OVCH1: variants seen among roughly 807,000 people sequenced by gnomAD.
OVCH1 encodes the protein ovochymase-1.
A neutral mutation model predicts 138.4 loss-of-function variants in OVCH1; 139 were observed. The observed-to-expected ratio is 1.00, with a 90% CI of 0.87 to 1.16. The LOEUF is 1.16. Among genes scored for constraint, OVCH1 ranks in the 50% most tolerant of loss-of-function variants. OVCH1 has a pLI of 0.00. For missense variants in OVCH1, 1,367 were observed against 1,357.9 expected (o/e 1.01, Z -0.11); for synonymous variants, 453 against 467.8 (o/e 0.97, Z 0.41).
intron 26 of OVCH1, among the ~76,000 whole-genome samples, chr12:29,437,506 C>G (rs1425531563): frequency 6.6e-6 from 1 of 152,168 alleles, no homozygotes; most frequent in East Asian, 1.9e-4. Flanking sequence ...AAAACTATCT[C>G]TAAGTTTAAC....
chr12:29,491,530 C>G (rs2136087834), intron 4 of OVCH1, among the ~76,000 whole-genome samples: 1 of 152,242 alleles, frequency 6.6e-6, no homozygotes, highest in Admixed American at 6.5e-5. Context: ...AGCCAGGCCA[C>G]TGCCTTTGAG....
chr12:29,486,134 T>C (rs1943098278), intron 8 of OVCH1, 116 bp downstream of exon 8: 2 of 1,025,672 alleles, frequency 1.9e-6, no homozygotes, highest in African/African-American at 1.6e-5. Flanking sequence ...TTTTAAAGTT[T>C]ACATTCAAAA....
chr12:29,455,134 A>G, intron 20 of OVCH1, 115 bp downstream of exon 20: 1 of 1,313,132 alleles, frequency 7.6e-7, no homozygotes, highest in Non-Finnish European at 1.0e-6. Context: ...TAGTAACTAA[A>G]TGAAATTCTA....
At chr12:29,448,697 T>G (rs547252580) in intron 22 of OVCH1, among the ~76,000 whole-genome samples, 1 of 152,202 alleles carries the variant, frequency 6.6e-6, no homozygotes, top group African/African-American at 2.4e-5. Context: ...GCTAATTAAT[T>G]GTGTCACTGT....
At position 29,477,326 on chromosome 12, in the gene OVCH1, A is replaced by G. The variant is rs755092375; in HGVS notation, c.1246+15T>C. 2 of 1,613,868 alleles carry G rather than the reference A, an allele frequency of 1.2e-6. No individual in the cohort carries two copies. Among genetic ancestry groups the G allele is most frequent in the South Asian group, 1.1e-5 (1 of 91,066 alleles). ...AAGGGAAAATGGCAAGGAATTAAATACCTGAAACACTCACCTGCTTCTGAC... is the reference window on the plus strand; with the variant it reads ...AAGGGAAAATGGCAAGGAATTAAATGCCTGAAACACTCACCTGCTTCTGAC... On this transcript the variant is annotated intron_variant, in intron 11 of 27. Transcript: ENST00000318184.
chr12:29,428,224 T>G (rs2135895824), intron 27 of OVCH1, among the ~76,000 whole-genome samples: 1 of 152,282 alleles, frequency 6.6e-6, no homozygotes, highest in East Asian at 1.9e-4. Context: ...CCAGTTACAG[T>G]TTTATCCTTA....
intron 19 of OVCH1, among the ~76,000 whole-genome samples, chr12:29,458,089 A>G (rs1179141206): frequency 6.6e-6 from 1 of 152,184 alleles, no homozygotes; most frequent in Non-Finnish European, 1.5e-5. Flanking sequence ...TGTAGATGAA[A>G]AGAAGTTAGA....
intron 16 of OVCH1, among the ~76,000 whole-genome samples, chr12:29,470,577 C>T (rs972014672): frequency 6.6e-6 from 1 of 152,140 alleles, no homozygotes; most frequent in African/African-American, 2.4e-5. Flanking sequence ...CATAGTATTC[C>T]ATGGTATATA....
At chr12:29,493,931 C>G (rs1943341758) in intron 4 of OVCH1, among the ~76,000 whole-genome samples, 2 of 152,170 alleles carry the variant, frequency 1.3e-5, no homozygotes, top group Non-Finnish European at 2.9e-5. Flanking sequence ...AAATTTCATT[C>G]TCTCAGAGAA....
chr12:29,441,606 C>A (rs1367353670), intron 25 of OVCH1, among the ~76,000 whole-genome samples: 1 of 152,014 alleles, frequency 6.6e-6, no homozygotes, highest in Non-Finnish European at 1.5e-5. Context: ...GCAACAAAAG[C>A]CAAAATTGAC....
chr12:29,489,845 G>T (rs2092923882), intron 5 of OVCH1, 74 bp from the exon 6 acceptor site: 2 of 1,466,898 alleles, frequency 1.4e-6, no homozygotes, highest in Admixed American at 2.0e-5. Context: ...CTACAAGTTT[G>T]GAACTATTTC....
chr12:29,488,017 A>G lies in OVCH1; in HGVS notation c.703-135T>C, dbSNP rs1239085873. 4 of 815,736 alleles carry G rather than the reference A, an allele frequency of 4.9e-6. No homozygotes were observed. In the East Asian group the frequency reaches 1.1e-4, roughly 23 times the overall value. 50.5% of individuals were successfully genotyped at this position (815,736 alleles called of 1,614,324 possible). ...AGAAGTCCACTAGTCATCGTCCATC[A>G]GCTTTTTGTTTATCCATTTTCTTGT... On this transcript the variant is annotated intron_variant, in intron 6 of 27. Coordinates refer to ENST00000318184, the Ensembl canonical transcript of OVCH1.
intron 26 of OVCH1, among the ~76,000 whole-genome samples, chr12:29,437,542 C>A (rs1270728196): frequency 6.6e-6 from 1 of 152,088 alleles, no homozygotes; most frequent in Non-Finnish European, 1.5e-5. Context: ...TGTTCTGAAA[C>A]AAACATTCTA....
At chr12:29,494,375 A>G (rs1411943148) in intron 4 of OVCH1, among the ~76,000 whole-genome samples, 11 of 152,112 alleles carry the variant, frequency 7.2e-5, no homozygotes, top group Admixed American at 7.2e-4. Context: ...TTAGTATTTT[A>G]CCCAGAATGT....
At chr12:29,478,774 C>A in intron 9 of OVCH1, 61 bp downstream of exon 10, 1 of 1,192,552 alleles carries the variant, frequency 8.4e-7, no homozygotes, top group Non-Finnish European at 1.1e-6. Flanking sequence ...GATCCTTTAG[C>A]ATCTCTTTGG....
chr12:29,496,028 C>T (rs748657790), intron 3 of OVCH1, among the ~76,000 whole-genome samples, 153 bp downstream of exon 3: 6 of 152,190 alleles, frequency 3.9e-5, no homozygotes, highest in Non-Finnish European at 8.8e-5. Context: ...GACAGACACA[C>T]ATTTCTGGGA....
chr12:29,451,656 G>A lies in OVCH1; in HGVS notation c.2531-87C>T, dbSNP rs1220727399. The A allele has an allele frequency of 2.9e-6, 3 of 1,047,074 alleles. No homozygotes were observed. In the African/African-American group the frequency reaches 4.9e-5, roughly 17 times the overall value. The allele number at this position is 1,047,074 out of a possible 1,614,324, so 64.9% of individuals were successfully genotyped here. On this transcript the variant is annotated intron_variant, in intron 21 of 27. Transcript: ENST00000318184. ...TCTATCACAAGACTGAAAAATCTAG[G>A]CTTGCAAGGAGAAAATTAAGACTTT...
chr12:29,439,438 A>AGAT (rs1314571943), intron 25 of OVCH1: 29 of 1,497,654 alleles, frequency 1.9e-5, no homozygotes, highest in Non-Finnish European at 2.5e-5. Flanking sequence ...AATGAAGCTA[A>AGAT]GATGGTCTGA....
chr12:29,453,995 G>A (rs998765444), intron 21 of OVCH1, among the ~76,000 whole-genome samples: 5 of 152,072 alleles, frequency 3.3e-5, no homozygotes, highest in East Asian at 1.9e-4. Flanking sequence ...TTGAACAACC[G>A]CTTCTTTTTG....
Sources: gnomAD v4.1 joint callset for allele counts (sites outside exome capture counted in the v4.1 genomes callset) on GRCh38, gnomAD v4.1.1 for gene constraint, MANE v1.5 for transcripts, NCBI Gene and HGNC (gene_info 2026-07-23, HGNC 2026-07-21) for gene names.